Variants in TGFBR2 observed in about 807,000 individuals in gnomAD.
TGFBR2 encodes TGF-beta receptor type-2.
A neutral mutation model predicts 49.0 loss-of-function variants in TGFBR2; 18 were observed. The observed-to-expected ratio is 0.37, with a 90% confidence interval of 0.25 to 0.54. The LOEUF is 0.54. Ranked by LOEUF, TGFBR2 falls within the 20% of genes least tolerant of loss-of-function variation. TGFBR2 has a pLI of 0.85. For missense variants in TGFBR2, 525 were observed against 722.6 expected (o/e 0.73, Z 3.13); for synonymous variants, 282 against 275.9 (o/e 1.02, Z -0.22).
chr3:30,650,665 T>C (rs1025550308), intron 3 of TGFBR2, among the ~76,000 whole-genome samples: 7 of 152,154 alleles, frequency 4.6e-5, no homozygotes, highest in African/African-American at 1.7e-4. Flanking sequence ...GGGGCAAACA[T>C]TATTATTTGT....
Position 30,672,400 on chromosome 3 carries a change from C to CT in TGFBR2, c.1218dup (p.Thr407TyrfsTer6). The CT allele has an allele frequency of 6.2e-7, 1 of 1,614,200 alleles. No individual in the cohort carries two copies. The highest frequency in any genetic ancestry group is 8.5e-7 in the Non-Finnish European group (1 of 1,180,020). On this transcript the variant is annotated frameshift_variant, in exon 4 of 7. Coordinates refer to ENST00000295754, the MANE Select transcript of TGFBR2 (RefSeq NM_003242.6). LOFTEE classifies it high-confidence loss of function. The surrounding 1 kb of genome is among the most constrained non-coding windows in gnomAD (Gnocchi z 4.5). ...TTTGGGCTTTCCCTGCGTCTGGACC[C>CT]TACTCTGTCTGTGGATGACCTGGCT... is the stretch of plus-strand genomic sequence containing the variant.
At chr3:30,664,537 A>G (rs1378969195) in intron 3 of TGFBR2, among the ~76,000 whole-genome samples, 1 of 152,224 alleles carries the variant, frequency 6.6e-6, no homozygotes, top group Non-Finnish European at 1.5e-5. Flanking sequence ...GATAAATGTT[A>G]GTATGCCATA....
rs939736039 is a variant in TGFBR2 at position 30,636,875 on chromosome 3, T to C, written c.95-7872T>C. Among the ~76,000 whole-genome samples the C allele has an allele frequency of 1.8e-4, 27 of 151,902 alleles. No homozygotes were observed. The East Asian group carries it at 2.7e-3, about 15-fold the overall frequency. ...GTCAGGAGATCGAGACCATCCTGGC[T>C]AACACGGTGAAACCCCGTCTCTACT... On this transcript the variant is annotated intron_variant, in intron 1 of 6. Coordinates refer to ENST00000295754, the MANE Select transcript of TGFBR2 (RefSeq NM_003242.6).
At position 30,672,145 on chromosome 3, in the gene TGFBR2, A is replaced by G. The variant is rs1553630191; in HGVS notation, c.962A>G (p.Tyr321Cys). The G allele has an allele frequency of 2.5e-6, 4 of 1,614,030 alleles. No individual in the cohort carries two copies. The highest frequency in any genetic ancestry group is 3.4e-6 in the Non-Finnish European group (4 of 1,180,020). The change falls in exon 4 of 7, where the codon TAC becomes TGC. Residue 321 changes from tyrosine (Y) to cysteine (C), a missense_variant. Tyr to Cys is a radical substitution (Grantham distance 194). Transcript: ENST00000295754. This position sits in a 1 kb window ranked among gnomAD's most constrained non-coding sequence, Gnocchi z 4.5. Reference sequence around the variant, plus strand: ...CGGAAGACGGAGTTGGGGAAACAATACTGGCTGATCACCGCCTTCCACGCC... The same window carrying G: ...CGGAAGACGGAGTTGGGGAAACAATGCTGGCTGATCACCGCCTTCCACGCC... ...EERKTELGKQ[Y>C]WLITAFHAKG...
chr3:30,655,994 A>G (rs1234188450), intron 3 of TGFBR2, among the ~76,000 whole-genome samples: 1 of 152,186 alleles, frequency 6.6e-6, no homozygotes, highest in Non-Finnish European at 1.5e-5. Flanking sequence ...ATCTGCCTGT[A>G]ACAAGGCCTT....
intron 1 of TGFBR2, among the ~76,000 whole-genome samples, chr3:30,611,655 A>AT (rs1421300696): frequency 6.8e-6 from 1 of 147,502 alleles, no homozygotes; most frequent in African/African-American, 2.5e-5. Flanking sequence ...ATCTAAATTT[A>AT]TTTTTTAAGT....
intron 5 of TGFBR2, among the ~76,000 whole-genome samples, chr3:30,679,004 CAT>C (rs1482369595): frequency 6.6e-6 from 1 of 152,178 alleles, no homozygotes; most frequent in Admixed American, 6.5e-5. Flanking sequence ...TTAAGTGACT[CAT>C]AAACATGGAT....
chr3:30,626,760 G>T (rs1198662762), intron 1 of TGFBR2: 1 of 152,418 alleles, frequency 6.6e-6, no homozygotes, highest in Non-Finnish European at 1.5e-5. Context: ...AACAGTGAAG[G>T]CACTGAACTC....
At chr3:30,678,409 G>A (rs1235907561) in intron 5 of TGFBR2, among the ~76,000 whole-genome samples, 1 of 152,004 alleles carries the variant, frequency 6.6e-6, no homozygotes, top group Non-Finnish European at 1.5e-5. Context: ...TTAGCCGGGC[G>A]TGGCAGCAGG....
chr3:30,634,535 A>G (rs1221975711), intron 1 of TGFBR2, among the ~76,000 whole-genome samples: 1 of 152,214 alleles, frequency 6.6e-6, no homozygotes, highest in Non-Finnish European at 1.5e-5. Context: ...GTCAGAAAGC[A>G]GCACATTTTC....
chr3:30,616,547 C>A (rs1698137353), intron 1 of TGFBR2, among the ~76,000 whole-genome samples: 1 of 152,188 alleles, frequency 6.6e-6, no homozygotes, highest in East Asian at 1.9e-4. Flanking sequence ...CACTGGGGCT[C>A]ATTTTCCTTC....
intron 1 of TGFBR2, among the ~76,000 whole-genome samples, chr3:30,619,261 T>C (rs899221054): frequency 6.6e-6 from 1 of 152,242 alleles, no homozygotes; most frequent in African/African-American, 2.4e-5. Context: ...TGAACTCTTA[T>C]ATTTGTCATC....
At chr3:30,610,091 G>A (rs1370024321) in intron 1 of TGFBR2, among the ~76,000 whole-genome samples, 1 of 152,086 alleles carries the variant, frequency 6.6e-6, no homozygotes, top group Admixed American at 6.5e-5. Flanking sequence ...CAAAAACTGG[G>A]CATTTTTTCT....
At chr3:30,654,894 CATTTA>C (rs1698966022) in intron 3 of TGFBR2, among the ~76,000 whole-genome samples, 1 of 152,172 alleles carries the variant, frequency 6.6e-6, no homozygotes, top group African/African-American at 2.4e-5. Flanking sequence ...TGCAGTCAGA[CATTTA>C]ATTTGTGGAA....
At chr3:30,683,145 A>G (rs1197889198) in intron 5 of TGFBR2, among the ~76,000 whole-genome samples, 1 of 152,202 alleles carries the variant, frequency 6.6e-6, no homozygotes, top group Non-Finnish European at 1.5e-5. Flanking sequence ...GACCTTTTCA[A>G]TATTCTTTGT....
intron 5 of TGFBR2, among the ~76,000 whole-genome samples, chr3:30,677,272 A>C (rs1342899087): frequency 1.3e-5 from 2 of 152,216 alleles, no homozygotes; most frequent in Non-Finnish European, 2.9e-5. Flanking sequence ...AAACAGTTAG[A>C]ATATAAACAA....
At chr3:30,615,902 T>C (rs999077973) in intron 1 of TGFBR2, among the ~76,000 whole-genome samples, 2 of 151,746 alleles carry the variant, frequency 1.3e-5, no homozygotes, top group African/African-American at 4.8e-5. Context: ...AGTTTTTTGT[T>C]TTTTGTTGTT....
At chr3:30,631,631 T>C (rs1255774176) in intron 1 of TGFBR2, among the ~76,000 whole-genome samples, 1 of 141,236 alleles carries the variant, frequency 7.1e-6, no homozygotes, top group Admixed American at 6.8e-5. Flanking sequence ...CTTTTTTTTT[T>C]TTTTTTTTTT....
At chr3:30,644,675 C>A in intron 1 of TGFBR2, 72 bp from the exon 2 acceptor site, 1 of 1,428,388 alleles carries the variant, frequency 7.0e-7, no homozygotes, top group Non-Finnish European at 9.8e-7. Context: ...AATTGCATAA[C>A]ATCTTCAGGA....
Sources: gnomAD v4.1 joint callset for allele counts (sites outside exome capture counted in the v4.1 genomes callset) on GRCh38, gnomAD v4.1.1 for gene constraint, Gnocchi (gnomAD v3.1) non-coding constraint, MANE v1.5 for transcripts, NCBI Gene and HGNC (gene_info 2026-07-23, HGNC 2026-07-21) for gene names.